CAMK2D: variants seen among roughly 807,000 people sequenced by gnomAD.
CAMK2D encodes calcium/calmodulin dependent protein kinase II delta.
In CAMK2D, 37 loss-of-function variants were observed where a neutral mutation model predicts 84.0. That is an observed-to-expected ratio of 0.44 (90% CI 0.34 to 0.58). The LOEUF is 0.58. Among genes scored for constraint, CAMK2D ranks in the 20% least tolerant of loss-of-function variants. CAMK2D has a pLI of 0.02. For synonymous variants in CAMK2D, 202 were observed against 212.5 expected, an observed-to-expected ratio of 0.95 and a Z score of 0.43; for missense variants, 448 against 652.5, an observed-to-expected ratio of 0.69 and a Z score of 3.41.
intron 6 of CAMK2D, among the ~76,000 whole-genome samples, chr4:113,545,550 G>C (rs2098559654): frequency 6.6e-6 from 1 of 152,112 alleles, no homozygotes; most frequent in South Asian, 2.1e-4. Flanking sequence ...ATATTTATCA[G>C]AGTATACATC....
At chr4:113,636,455 C>T (rs1408436797) in intron 3 of CAMK2D, among the ~76,000 whole-genome samples, 1 of 152,224 alleles carries the variant, frequency 6.6e-6, no homozygotes, top group Admixed American at 6.5e-5. Flanking sequence ...GAAGTCAGAT[C>T]AGCTCACTCC....
At chr4:113,544,856 C>T (rs1269973971) in intron 6 of CAMK2D, among the ~76,000 whole-genome samples, 1 of 152,042 alleles carries the variant, frequency 6.6e-6, no homozygotes, top group African/African-American at 2.4e-5. Context: ...TGCCTGGTGC[C>T]GATGGATGTA....
At chr4:113,494,434 C>G (rs1374157884) in intron 16 of CAMK2D, among the ~76,000 whole-genome samples, 2 of 152,118 alleles carry the variant, frequency 1.3e-5, no homozygotes, top group African/African-American at 4.8e-5. Flanking sequence ...TGGGGGGTGC[C>G]TCCCAGTTAG....
chr4:113,720,820 G>C (rs1235101859), intron 2 of CAMK2D, among the ~76,000 whole-genome samples: 1 of 151,924 alleles, frequency 6.6e-6, no homozygotes. Flanking sequence ...ACAGAAAAAT[G>C]ATCACATTTA....
intron 16 of CAMK2D, among the ~76,000 whole-genome samples, chr4:113,478,881 T>A (rs541841088): frequency 3.3e-5 from 5 of 152,300 alleles, no homozygotes; most frequent in African/African-American, 1.2e-4. Flanking sequence ...GCAGGATTTT[T>A]TTTTCTTTCT....
chr4:113,656,622 A>G (rs2099201804), intron 3 of CAMK2D, among the ~76,000 whole-genome samples: 1 of 152,100 alleles, frequency 6.6e-6, no homozygotes, highest in Admixed American at 6.6e-5. Context: ...ACTTGGTTAA[A>G]TATCTACCTG....
At chr4:113,557,625 C>A (rs2098673854) in intron 4 of CAMK2D, among the ~76,000 whole-genome samples, 1 of 152,190 alleles carries the variant, frequency 6.6e-6, no homozygotes, top group African/African-American at 2.4e-5. Context: ...CAGGGCTGTG[C>A]AAGCTGTGTT....
intron 16 of CAMK2D, among the ~76,000 whole-genome samples, chr4:113,481,076 C>T (rs2097696020): frequency 6.6e-6 from 1 of 152,180 alleles, no homozygotes; most frequent in South Asian, 2.1e-4. Flanking sequence ...TGGACTAAGA[C>T]ACTTTTAAAA....
chr4:113,565,861 C>A (rs1165398294), intron 4 of CAMK2D, among the ~76,000 whole-genome samples: 1 of 152,004 alleles, frequency 6.6e-6, no homozygotes, highest in African/African-American at 2.4e-5. Context: ...ACTCAACAGT[C>A]TGCTTTCCTA....
chr4:113,738,244 T>C (rs529218327), intron 2 of CAMK2D, among the ~76,000 whole-genome samples: 1 of 151,324 alleles, frequency 6.6e-6, no homozygotes, highest in South Asian at 2.1e-4. Flanking sequence ...AAAAACTAAG[T>C]TAGATGAAAT....
intron 2 of CAMK2D, among the ~76,000 whole-genome samples, chr4:113,708,810 C>T (rs1400534706): frequency 6.6e-6 from 1 of 152,066 alleles, no homozygotes; most frequent in Non-Finnish European, 1.5e-5. Context: ...CTGCAACCTC[C>T]GCCTCCCGGG....
At position 113,500,908 on chromosome 4, in the gene CAMK2D, C is replaced by A. The variant is rs982570473; in HGVS notation, c.1087-397G>T. On this transcript the variant is annotated intron_variant, in intron 15 of 20. Coordinates refer to ENST00000511664, the MANE Select transcript of CAMK2D (RefSeq NM_001321571.2). ...TTGATACTTAAAATAGAAAAAATTTCTATTCCCAATTAATTAATCAATAAA... is the reference window on the plus strand; with the variant it reads ...TTGATACTTAAAATAGAAAAAATTTATATTCCCAATTAATTAATCAATAAA... Among the ~76,000 whole-genome samples the A allele has an allele frequency of 2.0e-5, 3 of 152,180 alleles. No individual in the cohort carries two copies. In the East Asian group the frequency reaches 5.8e-4, roughly 29 times the overall value.
chr4:113,755,882 T>C (rs146098001), intron 2 of CAMK2D, among the ~76,000 whole-genome samples: 2 of 152,116 alleles, frequency 1.3e-5, no homozygotes, highest in African/African-American at 4.8e-5. Flanking sequence ...TTATCACTAT[T>C]CAACATTTAC....
chr4:113,621,809 G>C (rs2154277756), intron 3 of CAMK2D, among the ~76,000 whole-genome samples: 1 of 152,272 alleles, frequency 6.6e-6, no homozygotes, highest in East Asian at 1.9e-4. Flanking sequence ...TGGCTTTGCA[G>C]CTAAGGCATA....
intron 2 of CAMK2D, among the ~76,000 whole-genome samples, chr4:113,701,938 T>C (rs2099418915): frequency 6.6e-6 from 1 of 152,180 alleles, no homozygotes; most frequent in Non-Finnish European, 1.5e-5. Flanking sequence ...TGGGTTCATG[T>C]GATCTGCCTT....
chr4:113,699,666 G>A (rs1160715725), intron 2 of CAMK2D, among the ~76,000 whole-genome samples: 1 of 152,142 alleles, frequency 6.6e-6, no homozygotes, highest in Non-Finnish European at 1.5e-5. Flanking sequence ...AAAACACATT[G>A]TGGGAACTCC....
intron 12 of CAMK2D, chr4:113,513,057 A>C (rs1171378224): frequency 3.0e-6 from 1 of 338,688 alleles, no homozygotes; most frequent in Non-Finnish European, 4.2e-6. Flanking sequence ...TTGACAGATG[A>C]GGCTAGTCCT....
chr4:113,469,305 T>G (rs942317063), intron 16 of CAMK2D, among the ~76,000 whole-genome samples: 1 of 152,180 alleles, frequency 6.6e-6, no homozygotes, highest in African/African-American at 2.4e-5. Flanking sequence ...AATAAAGGGA[T>G]TATGCGCATT....
At chr4:113,518,357 A>T (rs2098313271) in intron 8 of CAMK2D, among the ~76,000 whole-genome samples, 1 of 152,164 alleles carries the variant, frequency 6.6e-6, no homozygotes, top group African/African-American at 2.4e-5. Flanking sequence ...ATTTGCTAAA[A>T]TTTTTCACAA....
Sources: gnomAD v4.1 joint callset for allele counts (sites outside exome capture counted in the v4.1 genomes callset) on GRCh38, gnomAD v4.1.1 for gene constraint, MANE v1.5 for transcripts, NCBI Gene and HGNC (gene_info 2026-07-23, HGNC 2026-07-21) for gene names.